SGCZ: variants seen among roughly 807,000 people sequenced by gnomAD.
The protein encoded by SGCZ is sarcoglycan zeta.
Under a neutral mutation model 41.3 loss-of-function variants are expected in SGCZ, and 40 were observed. The observed-to-expected ratio is 0.97, with a 90% CI of 0.75 to 1.26. The LOEUF (loss-of-function observed/expected upper bound fraction) is 1.26, where lower values mean the gene tolerates loss of function less well. Among genes scored for constraint, SGCZ ranks in the 50% most tolerant of loss-of-function variants. The probability of loss-of-function intolerance (pLI) is 0.00; values close to 1 mark genes in which losing one functional copy is unlikely to be tolerated. For missense variants in SGCZ, 552 were observed against 369.8 expected, an observed-to-expected ratio of 1.49 and a Z score of -4.04; for synonymous variants, 206 against 137.5, an observed-to-expected ratio of 1.50 and a Z score of -3.49.
Position 15,211,860 on chromosome 8 carries a change from A to G in SGCZ, c.39+25725T>C, listed in dbSNP as rs143158577. 1.3e-3 allele frequency among the ~76,000 whole-genome samples: 194 copies of G among 152,242 alleles called. 2 individuals are homozygous for G. In the South Asian group the frequency reaches 0.02, roughly 16 times the overall value. ...AAATTCCATTTTGTAAATAACTGGA[A>G]ACTCATCTTTTTCTGGAAATGTCTT... On this transcript the variant is annotated intron_variant, in intron 1 of 7. Transcript: ENST00000382080.
rs1444773922 is a variant in SGCZ, at chr8:14,723,625, T to A, written c.40-168699A>T. Among the ~76,000 whole-genome samples the A allele has an allele frequency of 3.3e-5, 5 of 152,222 alleles. No individual in the cohort carries two copies. The East Asian group carries it at 9.7e-4, about 29-fold the overall frequency. ...TTTTCTTCAAACATGTAAAATGATT[T>A]AGGATAGGAAACAAGCATAGAACAC... is the stretch of plus-strand genomic sequence containing the variant. On this transcript the variant is annotated intron_variant, in intron 1 of 7. Transcript: ENST00000382080.
At chr8:14,295,039 C>T (rs1800964486) in intron 3 of SGCZ, among the ~76,000 whole-genome samples, 2 of 152,170 alleles carry the variant, frequency 1.3e-5, no homozygotes, top group Admixed American at 1.3e-4. Flanking sequence ...TGAAAATTAA[C>T]CACCTCCTAT....
At chr8:14,514,491 T>A (rs1357876918) in intron 2 of SGCZ, among the ~76,000 whole-genome samples, 1 of 151,838 alleles carries the variant, frequency 6.6e-6, no homozygotes, top group African/African-American at 2.4e-5. Context: ...ATGGTAAGAA[T>A]TTGATAGCTA....
chr8:15,187,935 G>A (rs1364896952), intron 1 of SGCZ, among the ~76,000 whole-genome samples: 1 of 152,038 alleles, frequency 6.6e-6, no homozygotes, highest in Non-Finnish European at 1.5e-5. Flanking sequence ...AAACTTATCT[G>A]TTGCTGTGGG....
In SGCZ at chr8:15,204,648, T is replaced by C. The variant is rs945219175; in HGVS notation, c.39+32937A>G. 3.9e-5 allele frequency among the ~76,000 whole-genome samples: 6 copies of C among 152,076 alleles called. No individual in the cohort carries two copies. In the East Asian group the frequency reaches 5.8e-4, roughly 15 times the overall value. ...TTCACAAGAATGAAACACCATACGA[T>C]AGAAAGACTCATCTCAAGTCCTGCC... On this transcript the variant is annotated intron_variant, in intron 1 of 7. Transcript: ENST00000382080.
chr8:14,865,067 C>T (rs1440954855), intron 1 of SGCZ, among the ~76,000 whole-genome samples: 1 of 151,962 alleles, frequency 6.6e-6, no homozygotes, highest in Non-Finnish European at 1.5e-5. Context: ...TGTGTGTGTA[C>T]ACACATATAT....
chr8:14,111,768 G>C (rs1412996954), intron 5 of SGCZ, among the ~76,000 whole-genome samples: 4 of 152,164 alleles, frequency 2.6e-5, no homozygotes, highest in African/African-American at 9.6e-5. Flanking sequence ...CTGCAGGAAA[G>C]AATAAGGATG....
chr8:14,247,629 C>G lies in SGCZ; in HGVS notation c.337-9950G>C, dbSNP rs146521949. Among the ~76,000 whole-genome samples, 1,316 of 152,250 alleles carry G rather than the reference C, an allele frequency of 8.6e-3. 18 individuals are homozygous for G. The highest frequency in any genetic ancestry group is 0.029 in the African/African-American group (1,210 of 41,548). On this transcript the variant is annotated intron_variant, in intron 3 of 7. Coordinates refer to ENST00000382080, the MANE Select transcript of SGCZ (RefSeq NM_139167.4). ...AGATGAAAAGATGCTTCTTCTTTTC[C>G]TCTTAGGCAACATTTGCAGCAACTA...
chr8:14,937,713 TA>T (rs1563376465), intron 1 of SGCZ, among the ~76,000 whole-genome samples: 1 of 152,174 alleles, frequency 6.6e-6, no homozygotes, highest in Non-Finnish European at 1.5e-5. Flanking sequence ...AATTTTGTTT[TA>T]GATATCCTTT....
chr8:14,097,642 TTGTTAA>T (rs1459593412), intron 7 of SGCZ, among the ~76,000 whole-genome samples: 1 of 152,192 alleles, frequency 6.6e-6, no homozygotes, highest in East Asian at 1.9e-4. Flanking sequence ...CTGGATATCC[TTGTTAA>T]TTTTCTGTCT....
At chr8:14,259,016 T>C (rs188261540) in intron 3 of SGCZ, among the ~76,000 whole-genome samples, 59 of 152,304 alleles carry the variant, frequency 3.9e-4, no homozygotes, top group African/African-American at 1.4e-3. Flanking sequence ...AGCTGTGTCT[T>C]CCTGTTTGAT....
chr8:14,084,876 C>T lies in SGCZ; in HGVS notation c.*5567G>A, dbSNP rs1453832649. Among the ~76,000 whole-genome samples, 6 of 151,762 alleles carry T rather than the reference C, an allele frequency of 4.0e-5. No homozygotes were observed. Among genetic ancestry groups the T allele is most frequent in the Admixed American group, 3.9e-4 (6 of 15,194 alleles). ...TTTATCCTCTTTGTTTTGACTATCA[C>T]ATTTAATCATGGTTACATAGTAGCA... is the stretch of plus-strand genomic sequence containing the variant. On this transcript the variant is annotated 3_prime_UTR_variant, in exon 8 of 8. Transcript: ENST00000382080.
intron 4 of SGCZ, among the ~76,000 whole-genome samples, chr8:14,227,009 G>C (rs1370215034): frequency 6.6e-6 from 1 of 152,032 alleles, no homozygotes; most frequent in Non-Finnish European, 1.5e-5. Context: ...TAATACTCTA[G>C]TGTGCTTTAG....
chr8:15,001,361 A>G (rs561121829), intron 1 of SGCZ, among the ~76,000 whole-genome samples: 29 of 152,278 alleles, frequency 1.9e-4, no homozygotes, highest in African/African-American at 4.3e-4. Flanking sequence ...GCTTTGCAGG[A>G]AAGTCTTGCA....
chr8:14,825,575 T>C (rs1802276200), intron 1 of SGCZ, among the ~76,000 whole-genome samples: 2 of 152,210 alleles, frequency 1.3e-5, no homozygotes, highest in African/African-American at 4.8e-5. Context: ...TTTATACATG[T>C]ATACATTGTG....
intron 1 of SGCZ, among the ~76,000 whole-genome samples, chr8:15,050,178 A>G (rs1804462177): frequency 6.6e-6 from 1 of 152,066 alleles, no homozygotes. Context: ...AATAGTGTCT[A>G]TTTTTCTGGC....
chr8:14,669,427 C>T (rs559120244), intron 1 of SGCZ, among the ~76,000 whole-genome samples: 1 of 150,140 alleles, frequency 6.7e-6, no homozygotes, highest in Non-Finnish European at 1.5e-5. Context: ...CCATTACTTA[C>T]TAATCTTGAA....
intron 2 of SGCZ, among the ~76,000 whole-genome samples, chr8:14,407,542 C>T (rs1216216727): frequency 1.3e-5 from 2 of 152,114 alleles, no homozygotes; most frequent in East Asian, 1.9e-4. Flanking sequence ...AATTAAATAA[C>T]ATTAGATGAT....
rs116794691 is a variant in SGCZ at position 14,938,545 on chromosome 8, A to T, written c.39+299040T>A. 9.4e-3 allele frequency among the ~76,000 whole-genome samples: 1,432 copies of T among 152,330 alleles called. 20 individuals are homozygous for T. The highest frequency in any genetic ancestry group is 0.032 in the African/African-American group (1,330 of 41,578). ...TTATTATAAGAACACAGTATATAATATACATAACATACAAATATGTGTTAA... is the reference window on the plus strand; with the variant it reads ...TTATTATAAGAACACAGTATATAATTTACATAACATACAAATATGTGTTAA... On this transcript the variant is annotated intron_variant, in intron 1 of 7. Transcript: ENST00000382080.
Sources: gnomAD v4.1 joint callset for allele counts (sites outside exome capture counted in the v4.1 genomes callset) on GRCh38, gnomAD v4.1.1 for gene constraint, MANE v1.5 for transcripts, NCBI Gene and HGNC (gene_info 2026-07-23, HGNC 2026-07-21) for gene names.